Variants in CRYBG1 observed in about 807,000 individuals in gnomAD.
The protein encoded by CRYBG1 is crystallin beta-gamma domain containing 1.
CRYBG1 carries 139 observed loss-of-function variants against 189.2 expected under a neutral mutation model. The observed-to-expected ratio is 0.73, with a 90% CI of 0.64 to 0.85. The LOEUF (loss-of-function observed/expected upper bound fraction) is 0.85, where lower values mean the gene tolerates loss of function less well. CRYBG1 is among the 40% of genes least tolerant of loss of function. CRYBG1 has a pLI of 0.00. For synonymous variants in CRYBG1, 1,023 were observed against 1,017.1 expected (o/e 1.01, Z -0.11); for missense variants, 2,611 against 2,675.8 (o/e 0.98, Z 0.53).
intron 21 of CRYBG1, among the ~76,000 whole-genome samples, chr6:106,565,076 T>A (rs1487438230): frequency 6.6e-6 from 1 of 152,066 alleles, no homozygotes; most frequent in Non-Finnish European, 1.5e-5. Flanking sequence ...TCCCAGCACT[T>A]TGGGAGGCCC....
intron 2 of CRYBG1, among the ~76,000 whole-genome samples, chr6:106,458,391 C>CT (rs1771933287): frequency 1.3e-5 from 2 of 152,168 alleles, no homozygotes; most frequent in Admixed American, 6.5e-5. Flanking sequence ...CAAACAGCTC[C>CT]TTTTTTGTGA....
intron 18 of CRYBG1, among the ~76,000 whole-genome samples, chr6:106,560,351 AC>A: frequency 6.6e-6 from 1 of 152,326 alleles, no homozygotes; most frequent in East Asian, 1.9e-4. Flanking sequence ...GCGGAAGGGA[AC>A]TGAGTATCTT....
chr6:106,406,813 A>C (rs1002593595), intron 1 of CRYBG1, among the ~76,000 whole-genome samples: 1 of 152,208 alleles, frequency 6.6e-6, no homozygotes, highest in African/African-American at 2.4e-5. Context: ...TGAGAAATAA[A>C]ATCCTTTGCA....
intron 1 of CRYBG1, among the ~76,000 whole-genome samples, chr6:106,421,917 C>T (rs1035823935): frequency 5.3e-4 from 80 of 152,232 alleles, no homozygotes; most frequent in African/African-American, 1.8e-3. Context: ...AGGAAACTCC[C>T]ATTTTTAAAA....
chr6:106,401,418 T>A (rs1164727525), intron 1 of CRYBG1, among the ~76,000 whole-genome samples: 3 of 148,580 alleles, frequency 2.0e-5, no homozygotes, highest in Non-Finnish European at 3.0e-5. Flanking sequence ...TTTCTTTTTT[T>A]ATTATACTCT....
intron 1 of CRYBG1, among the ~76,000 whole-genome samples, chr6:106,371,666 T>C (rs1016301662): frequency 1.3e-5 from 2 of 152,244 alleles, no homozygotes; most frequent in Admixed American, 6.5e-5. Flanking sequence ...AGAGCACTTG[T>C]ATTCCTGTGT....
At chr6:106,451,363 AC>A (rs1226582176) in intron 1 of CRYBG1, 2 of 175,046 alleles carry the variant, frequency 1.1e-5, no homozygotes, top group African/African-American at 4.7e-5. Flanking sequence ...ACATAGAACA[AC>A]CAGGAAACTG....
chr6:106,545,338 A>G (rs925600553), intron 13 of CRYBG1, among the ~76,000 whole-genome samples: 8 of 152,214 alleles, frequency 5.3e-5, no homozygotes, highest in Non-Finnish European at 1.2e-4. Context: ...CTTCACTATT[A>G]GTTTGACATA....
At chr6:106,445,397 G>T (rs2114427770) in intron 1 of CRYBG1, among the ~76,000 whole-genome samples, 1 of 152,272 alleles carries the variant, frequency 6.6e-6, no homozygotes, top group South Asian at 2.1e-4. Context: ...GGGCCTCAAT[G>T]AACTCATCTG....
chr6:106,425,895 C>T (rs1333946279), intron 1 of CRYBG1, among the ~76,000 whole-genome samples: 1 of 152,190 alleles, frequency 6.6e-6, no homozygotes, highest in Non-Finnish European at 1.5e-5. Context: ...GCCTCAGCCT[C>T]CCAAAGTGCT....
At position 106,360,734 on chromosome 6, in the gene CRYBG1, G is replaced by T. The variant is rs1370563185; in HGVS notation, c.-175G>T. ...CGGGCTGCAGTGCTGCTCGCGCTGC[G>T]CTGGGTGCTGGTTCTGCAACCCGCG... On this transcript the variant is annotated 5_prime_UTR_variant, in exon 1 of 22. Coordinates refer to ENST00000633556, the MANE Select transcript of CRYBG1 (RefSeq NM_001371242.2). 1.8e-5 allele frequency: 12 copies of T among 664,544 alleles called. No individual in the cohort carries two copies. The highest frequency in any genetic ancestry group is 8.6e-4 in the Middle Eastern group (2 of 2,316). The allele number at this position is 664,544 out of a possible 1,614,324, so 41.2% of individuals were successfully genotyped here.
intron 1 of CRYBG1, among the ~76,000 whole-genome samples, chr6:106,431,590 AT>A (rs1201194574): frequency 6.6e-6 from 1 of 152,218 alleles, no homozygotes; most frequent in Non-Finnish European, 1.5e-5. Flanking sequence ...CTGAAAAAAA[AT>A]CACTGTGTTC....
chr6:106,440,632 T>C (rs1485925652), intron 1 of CRYBG1, among the ~76,000 whole-genome samples: 3 of 152,196 alleles, frequency 2.0e-5, no homozygotes, highest in Non-Finnish European at 1.5e-5. Flanking sequence ...TATCACTCAG[T>C]TGATGGCTGT....
intron 1 of CRYBG1, among the ~76,000 whole-genome samples, chr6:106,400,486 GAAAC>G (rs1201314803): frequency 2.0e-5 from 3 of 152,142 alleles, no homozygotes; most frequent in Non-Finnish European, 2.9e-5. Context: ...GATAGGAATA[GAAAC>G]AAACAACAGA....
chr6:106,496,322 C>G (rs575295695), intron 2 of CRYBG1, among the ~76,000 whole-genome samples: 1 of 152,286 alleles, frequency 6.6e-6, no homozygotes, highest in South Asian at 2.1e-4. Flanking sequence ...GCGTTATTAG[C>G]CTTCCTTTTC....
intron 1 of CRYBG1, among the ~76,000 whole-genome samples, chr6:106,419,119 C>T (rs1297092898): frequency 6.6e-6 from 1 of 152,218 alleles, no homozygotes; most frequent in Non-Finnish European, 1.5e-5. Context: ...GTTGAACATG[C>T]CTAGCTCCCA....
chr6:106,530,137 G>T, intron 7 of CRYBG1, 39 bp from the exon 8 acceptor site: 2 of 1,534,832 alleles, frequency 1.3e-6, no homozygotes, highest in Non-Finnish European at 1.8e-6. Context: ...TGAAATACAT[G>T]GTGCAATTCT....
chr6:106,521,526 A>G, intron 4 of CRYBG1, 73 bp downstream of exon 4: 1 of 1,427,418 alleles, frequency 7.0e-7, no homozygotes, highest in South Asian at 1.4e-5. Context: ...TGAGCAACTC[A>G]TGTTATTCTT....
At chr6:106,367,907 G>A (rs931586744) in intron 1 of CRYBG1, among the ~76,000 whole-genome samples, 1 of 152,126 alleles carries the variant, frequency 6.6e-6, no homozygotes, top group Admixed American at 6.5e-5. Flanking sequence ...TTATGATCAT[G>A]CTACTGCACT....
Sources: allele counts gnomAD v4.1 joint callset (sites outside exome capture counted in the v4.1 genomes callset), GRCh38; gene constraint gnomAD v4.1.1; transcripts MANE v1.5; gene names NCBI Gene and HGNC (gene_info 2026-07-23, HGNC 2026-07-21).